MED13: variants seen among roughly 807,000 people sequenced by gnomAD.
MED13 encodes the protein mediator of RNA polymerase II transcription subunit 13.
In MED13, 23 loss-of-function variants were observed where a neutral mutation model predicts 225.2. The ratio of observed to expected loss-of-function variants is 0.10; its 90% confidence interval spans 0.07 to 0.14. MED13 has a LOEUF of 0.14. MED13 is among the 10% of genes least tolerant of loss of function. MED13 has a pLI of 1.00. For missense variants in MED13, 2,197 were observed against 2,594.5 expected, an observed-to-expected ratio of 0.85 and a Z score of 3.33; for synonymous variants, 942 against 889.2, an observed-to-expected ratio of 1.06 and a Z score of -1.06.
At chr17:61,980,537 T>TTATTGATGCCTCATCTTTCCTTAC in intron 16 of MED13, among the ~76,000 whole-genome samples, 1 of 152,214 alleles carries the variant, frequency 6.6e-6, no homozygotes, top group Admixed American at 6.5e-5. Flanking sequence ...GCTCAAGCTA[T>TTATTGATGCCTCATCTTTCCTTAC]TATTGATGCC....
At chr17:62,035,337 G>T in intron 4 of MED13, 126 bp downstream of exon 4, 1 of 858,160 alleles carries the variant, frequency 1.2e-6, no homozygotes, top group Non-Finnish European at 1.7e-6. Context: ...AAAAGTAAAT[G>T]ACATCAAAAT....
Position 61,966,454 on chromosome 17 carries a change from T to A in MED13, c.4381+8A>T, listed in dbSNP as rs575604189. On this transcript the variant is annotated splice_region_variant and intron_variant, in intron 19 of 29. Transcript: ENST00000397786. ...ACCAGCCTTATACAATAAATACAAA[T>A]TCAATACCTAGGTCATATCTGCAGA... is the stretch of plus-strand genomic sequence containing the variant. 5.6e-6 allele frequency: 9 copies of A among 1,601,838 alleles called. No individual in the cohort carries two copies. In the African/African-American group the frequency reaches 9.4e-5, roughly 17 times the overall value.
intron 24 of MED13, 43 bp from the exon 25 acceptor site, chr17:61,955,881 ATCAAAGT>A: frequency 7.2e-7 from 1 of 1,390,310 alleles, no homozygotes; most frequent in Non-Finnish European, 9.6e-7. Context: ...AAAAAAAAAA[ATCAAAGT>A]AACAGCATTA....
At position 61,961,732 on chromosome 17, in the gene MED13, T is replaced by G. The variant is rs1260109664; in HGVS notation, c.5112A>C (p.Arg1704Ser). ...YLLQPVKHED[R>S]EIYPQHLKSL... ...ATTTTAAATGCTGGGGATAGATTTCTCTATCTTCATGCTTCACAGGTTGCA... is the reference window on the plus strand; with the variant it reads ...ATTTTAAATGCTGGGGATAGATTTCGCTATCTTCATGCTTCACAGGTTGCA... The change falls in exon 22 of 30, where the codon AGA becomes AGC. Residue 1704 changes from arginine (R) to serine (S), a missense_variant. Around this residue, in one of 12 missense-constraint regions of MED13, gnomAD observed 457 missense variants for 442.2 expected, o/e 1.03. Transcript: ENST00000397786. The G allele has an allele frequency of 1.3e-5, 21 of 1,613,998 alleles. No individual in the cohort carries two copies. The highest frequency in any genetic ancestry group is 1.8e-5 in the Non-Finnish European group (21 of 1,180,020).
In MED13 at chr17:61,943,275, C is replaced by T. The variant is rs188480045; in HGVS notation, c.*3193G>A. On this transcript the variant is annotated 3_prime_UTR_variant, in exon 30 of 30. Transcript: ENST00000397786. ...TGTATTAACTGATTGATATGCAATG[C>T]CATAGTGGATGAATAGCAAATTATA... 4 of 152,552 alleles carry T rather than the reference C, an allele frequency of 2.6e-5. No homozygotes were observed. Among genetic ancestry groups the T allele is most frequent in the African/African-American group, 9.6e-5 (4 of 41,536 alleles). 9.4% of individuals were successfully genotyped at this position (152,552 alleles called of 1,614,324 possible).
At chr17:62,000,920 G>A (rs998458931) in intron 9 of MED13, among the ~76,000 whole-genome samples, 2 of 151,908 alleles carry the variant, frequency 1.3e-5, no homozygotes, top group Non-Finnish European at 2.9e-5. Context: ...CTGCCACCAC[G>A]CCCAGCTAAT....
At chr17:62,052,891 G>A (rs2080968192) in intron 2 of MED13, among the ~76,000 whole-genome samples, 186 bp from the exon 3 acceptor site, 2 of 152,078 alleles carry the variant, frequency 1.3e-5, no homozygotes, top group South Asian at 2.1e-4. Context: ...AGGAATAAAA[G>A]GTCTAAGTGC....
chr17:61,984,178 T>C lies in MED13; in HGVS notation c.2881A>G (p.Lys961Glu). 6 of 1,561,170 alleles carry C rather than the reference T, an allele frequency of 3.8e-6. No homozygotes were observed. The highest frequency in any genetic ancestry group is 5.2e-6 in the Non-Finnish European group (6 of 1,157,028). Residue 961 changes from lysine (K) to glutamate (E), a missense_variant, in exon 15 of 30, where the codon AAA becomes GAA. Around this residue, in one of 12 missense-constraint regions of MED13, gnomAD observed 160 missense variants for 184.8 expected, o/e 0.87. Transcript: ENST00000397786. ...LSSGPSMPFIKEGDGSNMDQE... is the reference protein window; with the variant it reads ...LSSGPSMPFIEEGDGSNMDQE... ...TAACAACATAAATCATACCCCTCTT[T>C]GATGAATGGCATTGAAGGCCCTGAA...
intron 3 of MED13, among the ~76,000 whole-genome samples, chr17:62,043,242 G>A (rs2080871165): frequency 6.7e-6 from 1 of 148,218 alleles, no homozygotes; most frequent in Admixed American, 6.7e-5. Flanking sequence ...AGGAAAAATA[G>A]GAGAAGTCTT....
intron 2 of MED13, among the ~76,000 whole-genome samples, chr17:62,056,989 TAA>T (rs1322540905): frequency 3.3e-5 from 5 of 152,070 alleles, no homozygotes; most frequent in African/African-American, 7.2e-5. Flanking sequence ...AAGTATGTGA[TAA>T]GTCATCAAAA....
chr17:61,982,207 T>C lies in MED13; in HGVS notation c.3796A>G (p.Lys1266Glu), dbSNP rs1567957489. The C allele has an allele frequency of 5.6e-6, 9 of 1,602,776 alleles. No individual in the cohort carries two copies. Among genetic ancestry groups the C allele is most frequent in the Middle Eastern group, 1.7e-4 (1 of 5,986 alleles). Residue 1266 changes from lysine (K) to glutamate (E), a missense_variant, in exon 16 of 30, where the codon AAA becomes GAA. Physicochemically the swap from Lys to Glu is moderately conservative, Grantham distance 56 (BLOSUM62 1). Coordinates refer to ENST00000397786, the MANE Select transcript of MED13 (RefSeq NM_005121.3). ...VKSSCLHPWSKRNDVSMQCSQ... is the reference protein window; with the variant it reads ...VKSSCLHPWSERNDVSMQCSQ... ...TATTGGCATACTTTACCGTTTCTTT[T>C]GGACCAGGGGTGTAAGCATGAACTT...
Position 61,984,307 on chromosome 17 carries a change from C to T in MED13, c.2752G>A (p.Ala918Thr). Residue 918 changes from alanine to threonine, a missense_variant, in exon 15 of 30, where the codon GCA becomes ACA. Ala to Thr is a moderately conservative substitution (Grantham distance 58, BLOSUM62 0). This residue lies in a region of MED13 where 160 missense variants were observed against 184.8 expected (regional missense o/e 0.87). Coordinates refer to ENST00000397786, the MANE Select transcript of MED13 (RefSeq NM_005121.3). ...TGGCTTGGTAGAGTTTTTAGAGGTG[C>T]AAACATGGAACATCCCACTAGAATT... is the stretch of plus-strand genomic sequence containing the variant. ...CQILVGCSMF[A>T]PLKTLPSQYL... 1 of 1,607,226 alleles carries T rather than the reference C, an allele frequency of 6.2e-7. No homozygotes were observed. The highest frequency in any genetic ancestry group is 8.5e-7 in the Non-Finnish European group (1 of 1,177,504).
chr17:61,991,350 C>T (rs1414147847), intron 11 of MED13, among the ~76,000 whole-genome samples: 2 of 151,802 alleles, frequency 1.3e-5, no homozygotes, highest in Non-Finnish European at 2.9e-5. Context: ...ACCTCCTGAC[C>T]TCAGGTGATC....
intron 8 of MED13, among the ~76,000 whole-genome samples, chr17:62,012,289 GAT>G (rs1036799120): frequency 1.3e-5 from 2 of 150,220 alleles, no homozygotes; most frequent in Admixed American, 1.3e-4. Flanking sequence ...CTCAATGAGA[GAT>G]ATATATACAC....
intron 15 of MED13, among the ~76,000 whole-genome samples, chr17:61,983,368 C>CCTAG (rs2080221324): frequency 6.6e-6 from 1 of 152,062 alleles, no homozygotes; most frequent in Non-Finnish European, 1.5e-5. Context: ...CTAATGCATA[C>CCTAG]CTAGACATCC....
intron 2 of MED13, among the ~76,000 whole-genome samples, chr17:62,057,403 T>C (rs1201378328): frequency 6.6e-6 from 1 of 152,058 alleles, no homozygotes. Flanking sequence ...AAGATACACT[T>C]GATCAAAAAA....
rs778549744 is a variant in MED13 at position 61,995,136 on chromosome 17, CTG to C, written c.2181+14_2181+15del. On this transcript the variant is annotated intron_variant, in intron 10 of 29. Transcript: ENST00000397786. ...AAATCAACAGTGACCCTTTGGTGTA[CTG>C]TGATTTCTCTTACCTTGTGTTTTTT... 2 of 1,573,570 alleles carry C rather than the reference CTG, an allele frequency of 1.3e-6. No homozygotes were observed. The highest frequency in any genetic ancestry group is 1.7e-6 in the Non-Finnish European group (2 of 1,143,972).
At chr17:62,003,510 C>G (rs1361539554) in intron 9 of MED13, among the ~76,000 whole-genome samples, 1 of 141,222 alleles carries the variant, frequency 7.1e-6, no homozygotes, top group Non-Finnish European at 1.5e-5. Flanking sequence ...GAGGGTGAGG[C>G]AGGAGAATTG....
In MED13 at chr17:61,950,933, T is replaced by C. The variant is rs1328829600; in HGVS notation, c.6183A>G (p.Gln2061=). 3 of 1,613,996 alleles carry C rather than the reference T, an allele frequency of 1.9e-6. No individual in the cohort carries two copies. Among genetic ancestry groups the C allele is most frequent in the South Asian group, 2.2e-5 (2 of 91,076 alleles). ...ATACAAAGTAACCAAGGGCCAATGG[T>C]TGCTGAAGAATATTAGGTACTTCCT... is the stretch of plus-strand genomic sequence containing the variant. The part of the protein sequence containing the change: ...PHEEVPNILQ[Q]PLALGYFVST... The change falls in exon 28 of 30, where the codon CAA becomes CAG. Residue 2061 remains glutamine, a synonymous_variant. Transcript: ENST00000397786.
Sources: gnomAD v4.1 joint callset for allele counts (sites outside exome capture counted in the v4.1 genomes callset) on GRCh38, gnomAD v4.1.1 for gene constraint, gnomAD v4.1.1 regional missense constraint, MANE v1.5 for transcripts, NCBI Gene and HGNC (gene_info 2026-07-23, HGNC 2026-07-21) for gene names.